Variants in MMP20 observed in about 807,000 individuals in gnomAD.
MMP20 encodes the protein matrix metallopeptidase 20.
Under a neutral mutation model 51.8 loss-of-function variants are expected in MMP20, and 50 were observed. The ratio of observed to expected loss-of-function variants is 0.97; its 90% confidence interval spans 0.77 to 1.22. The LOEUF is 1.22. Among genes scored for constraint, MMP20 ranks in the 50% most tolerant of loss-of-function variants. The pLI is 0.00. For missense variants in MMP20, 663 were observed against 601.4 expected (o/e 1.10, Z -1.07); for synonymous variants, 244 against 216.2 (o/e 1.13, Z -1.13).
intron 3 of MMP20, among the ~76,000 whole-genome samples, chr11:102,610,968 C>T (rs72986045): frequency 0.011 from 1,668 of 152,186 alleles, 9 homozygotes; most frequent in Non-Finnish European, 0.019. Context: ...AAAGCTACCC[C>T]GAGTCACACT....
In MMP20 at chr11:102,617,341, C is replaced by T. The variant is rs17099093; in HGVS notation, c.127-282G>A. The stretch of plus-strand genomic sequence containing the variant: ...TACAATGCAATGAATATAACAAATA[C>T]GCCTTTTTGCTTCTAATTTTTTTAA... On this transcript the variant is annotated intron_variant, in intron 1 of 9. Transcript: ENST00000260228. 6.8e-3 allele frequency among the ~76,000 whole-genome samples: 1,031 copies of T among 152,258 alleles called. 17 individuals carry two copies. Among genetic ancestry groups the T allele is most frequent in the African/African-American group, 0.024 (981 of 41,544 alleles).
intron 8 of MMP20, among the ~76,000 whole-genome samples, chr11:102,586,656 T>C (rs1383521583): frequency 6.6e-6 from 1 of 151,552 alleles, no homozygotes; most frequent in Non-Finnish European, 1.5e-5. Flanking sequence ...TACTAAAAAA[T>C]ACAAAAAAAA....
intron 8 of MMP20, among the ~76,000 whole-genome samples, chr11:102,584,247 C>G (rs982155972): frequency 1.3e-5 from 2 of 152,106 alleles, no homozygotes; most frequent in Admixed American, 1.3e-4. Flanking sequence ...TTTCTACTAC[C>G]AATGTATGAG....
intron 3 of MMP20, among the ~76,000 whole-genome samples, chr11:102,611,439 T>C (rs1025374040): frequency 8.5e-5 from 13 of 152,240 alleles, no homozygotes; most frequent in Non-Finnish European, 1.0e-4. Context: ...ATCATGGGAA[T>C]GGATGAGGTC....
At chr11:102,624,407 T>TAA (rs1859790939) in intron 1 of MMP20, among the ~76,000 whole-genome samples, 2 of 4,950 alleles carry the variant, frequency 4.0e-4, no homozygotes, top group Admixed American at 1.9e-3. Context: ...GAAGCATATA[T>TAA]ATATATATAT....
intron 1 of MMP20, among the ~76,000 whole-genome samples, chr11:102,620,205 G>C (rs1859732214): frequency 6.6e-6 from 1 of 152,132 alleles, no homozygotes; most frequent in Non-Finnish European, 1.5e-5. Flanking sequence ...TAATGTTTGA[G>C]CTCTTTTTCT....
chr11:102,589,836 C>T (rs765634649), intron 8 of MMP20, among the ~76,000 whole-genome samples: 1 of 152,106 alleles, frequency 6.6e-6, no homozygotes, highest in Non-Finnish European at 1.5e-5. Flanking sequence ...AACCCTATTT[C>T]ATCTTATTTT....
chr11:102,597,044 A>T (rs1273603213), intron 6 of MMP20, among the ~76,000 whole-genome samples: 5 of 152,232 alleles, frequency 3.3e-5, no homozygotes, highest in Admixed American at 1.3e-4. Context: ...GTGCTAAGAC[A>T]CAAAGTGTGC....
intron 6 of MMP20, among the ~76,000 whole-genome samples, chr11:102,595,843 C>T (rs187370813): frequency 3.1e-4 from 47 of 152,250 alleles, no homozygotes; most frequent in Admixed American, 2.5e-3. Flanking sequence ...TTATAAAACA[C>T]GAATAATTTA....
chr11:102,579,805 C>CAA (rs17098654), intron 8 of MMP20, among the ~76,000 whole-genome samples: 35 of 151,930 alleles, frequency 2.3e-4, no homozygotes, highest in African/African-American at 6.3e-4. Context: ...TCTGTTAACT[C>CAA]AAAAAAAACT....
In MMP20 at chr11:102,616,860, C is replaced by T. The variant is rs146053692; in HGVS notation, c.326G>A (p.Arg109His). 5.0e-5 allele frequency: 81 copies of T among 1,614,144 alleles called. No individual in the cohort carries two copies. In the Admixed American group the frequency reaches 9.2e-4, roughly 18 times the overall value. The change falls in exon 2 of 10, where the codon CGC becomes CAC. Residue 109 changes from arginine to histidine, a missense_variant. By Grantham distance (29) the Arg-to-His change is conservative. Transcript: ENST00000260228. The stretch of plus-strand genomic sequence containing the variant: ...CCATTTGGGTTCACCAGGGAAGAGG[C>T]GATAATTGGCCACATCAGGAACTCC... ...RCGVPDVANYRLFPGEPKWKK... is the reference protein window; with the variant it reads ...RCGVPDVANYHLFPGEPKWKK...
At chr11:102,578,690 C>G (rs953832412) in intron 9 of MMP20, among the ~76,000 whole-genome samples, 1 of 152,058 alleles carries the variant, frequency 6.6e-6, no homozygotes, top group African/African-American at 2.4e-5. Flanking sequence ...GAGCAGAGAT[C>G]GCGCCACTGC....
chr11:102,599,949 C>T (rs1225269783), intron 6 of MMP20, among the ~76,000 whole-genome samples: 10 of 152,132 alleles, frequency 6.6e-5, no homozygotes, highest in Non-Finnish European at 1.0e-4. Flanking sequence ...CTGAAGAGCC[C>T]GTGAAAATCC....
At chr11:102,617,825 G>T (rs1183098767) in intron 1 of MMP20, among the ~76,000 whole-genome samples, 4 of 152,184 alleles carry the variant, frequency 2.6e-5, no homozygotes, top group East Asian at 1.9e-4. Context: ...AACGAGTGAT[G>T]CAGGGGCATG....
intron 5 of MMP20, 112 bp from the exon 6 acceptor site, chr11:102,606,788 G>T: frequency 2.3e-6 from 3 of 1,290,732 alleles, no homozygotes; most frequent in East Asian, 2.3e-5. Context: ...ATGTGATCAT[G>T]ATCATGGCTG....
intron 1 of MMP20, among the ~76,000 whole-genome samples, chr11:102,624,939 A>G (rs1008545526): frequency 6.6e-6 from 1 of 152,176 alleles, no homozygotes; most frequent in Non-Finnish European, 1.5e-5. Context: ...TTCACAAGCC[A>G]CCTGGAATTC....
At chr11:102,613,797 G>T (rs1173599030) in intron 2 of MMP20, among the ~76,000 whole-genome samples, 1 of 152,172 alleles carries the variant, frequency 6.6e-6, no homozygotes, top group Non-Finnish European at 1.5e-5. Context: ...CCCTTAAAGG[G>T]ACTATTTAAT....
intron 1 of MMP20, among the ~76,000 whole-genome samples, chr11:102,621,467 T>G (rs12273273): frequency 0.013 from 1,905 of 152,356 alleles, 43 homozygotes; most frequent in African/African-American, 0.043. Flanking sequence ...GGTTTCAGTT[T>G]TCTCATCTAT....
chr11:102,594,628 G>A lies in MMP20; in HGVS notation c.1083C>T (p.Phe361=). 1 of 1,613,760 alleles carries A rather than the reference G, an allele frequency of 6.2e-7. No individual in the cohort carries two copies. Among genetic ancestry groups the A allele is most frequent in the South Asian group, 1.1e-5 (1 of 91,052 alleles). ...YEVAERGTAY[F]FKGPHYWITR... ...GAGGGATCTGTAGGGTACCTTTGAA[G>A]AAGTAAGCAGTGCCCCTCTCAGCCA... Residue 361 remains phenylalanine, a synonymous_variant, in exon 7 of 10, where the codon TTC becomes TTT. Coordinates refer to ENST00000260228, the MANE Select transcript of MMP20 (RefSeq NM_004771.4).
Sources: allele counts gnomAD v4.1 joint callset (sites outside exome capture counted in the v4.1 genomes callset), GRCh38; gene constraint gnomAD v4.1.1; transcripts MANE v1.5; gene names NCBI Gene and HGNC (gene_info 2026-07-23, HGNC 2026-07-21).